Variants in KALRN observed in about 807,000 individuals in gnomAD.
The protein encoded by KALRN is kalirin.
In KALRN, 70 loss-of-function variants were observed where a neutral mutation model predicts 353.7. That is an observed-to-expected ratio of 0.20 (90% CI 0.16 to 0.24). The LOEUF (loss-of-function observed/expected upper bound fraction) is 0.24, where lower values mean the gene tolerates loss of function less well. KALRN is among the 10% of genes least tolerant of loss of function. KALRN has a pLI of 1.00. For missense variants in KALRN, 2,791 were observed against 3,756.7 expected, an observed-to-expected ratio of 0.74 and a Z score of 6.72; for synonymous variants, 1,391 against 1,434.8, an observed-to-expected ratio of 0.97 and a Z score of 0.69.
chr3:124,458,185 A>C (rs540740769), intron 23 of KALRN, among the ~76,000 whole-genome samples: 1 of 149,962 alleles, frequency 6.7e-6, no homozygotes, highest in African/African-American at 2.4e-5. Context: ...CTGAGGCAGG[A>C]GAATTGCTTG....
intron 5 of KALRN, among the ~76,000 whole-genome samples, chr3:124,294,676 C>A (rs752995532): frequency 6.6e-6 from 1 of 151,834 alleles, no homozygotes; most frequent in Non-Finnish European, 1.5e-5. Context: ...AGGCACCCAC[C>A]ACCAAATCCA....
chr3:124,129,197 G>A (rs749146331), intron 1 of KALRN, among the ~76,000 whole-genome samples: 2 of 152,104 alleles, frequency 1.3e-5, no homozygotes, highest in Admixed American at 6.5e-5. Context: ...TTAGCAGAAC[G>A]GTGCCCCAGC....
intron 1 of KALRN, among the ~76,000 whole-genome samples, chr3:124,067,178 T>A (rs2042430227): frequency 6.6e-6 from 1 of 152,168 alleles, no homozygotes; most frequent in African/African-American, 2.4e-5. Context: ...AAGGGGATGC[T>A]CACAGCCAGG....
intron 33 of KALRN, among the ~76,000 whole-genome samples, chr3:124,532,800 C>A (rs2068154034): frequency 6.6e-6 from 1 of 151,644 alleles, no homozygotes; most frequent in Admixed American, 6.6e-5. Context: ...GACTCTGTCT[C>A]CAAAACAAAA....
At chr3:124,544,302 T>C (rs2069380882) in intron 33 of KALRN, among the ~76,000 whole-genome samples, 1 of 152,228 alleles carries the variant, frequency 6.6e-6, no homozygotes, top group Non-Finnish European at 1.5e-5. Context: ...GGCTCATGCC[T>C]GTAATCCCAG....
At chr3:124,601,054 G>C (rs1205492148) in intron 34 of KALRN, among the ~76,000 whole-genome samples, 1 of 152,184 alleles carries the variant, frequency 6.6e-6, no homozygotes, top group East Asian at 1.9e-4. Flanking sequence ...GCCAAGCATG[G>C]GTTAGGAGGG....
intron 1 of KALRN, among the ~76,000 whole-genome samples, chr3:124,168,543 G>C (rs1369843199): frequency 1.3e-5 from 2 of 152,206 alleles, no homozygotes; most frequent in Non-Finnish European, 2.9e-5. Flanking sequence ...GCCTGGATCA[G>C]TGGCTCAGCC....
intron 1 of KALRN, among the ~76,000 whole-genome samples, chr3:124,077,376 C>G (rs2060309604): frequency 6.6e-6 from 1 of 152,108 alleles, no homozygotes; most frequent in Admixed American, 6.6e-5. Context: ...TTAGGCTGCC[C>G]CCTGGTTTGG....
intron 1 of KALRN, among the ~76,000 whole-genome samples, chr3:124,080,455 CATAGATAG>C (rs919666857): frequency 2.3e-4 from 35 of 152,120 alleles, no homozygotes; most frequent in African/African-American, 8.2e-4. Flanking sequence ...TGTGCATTTA[CATAGATAG>C]ATAGATAGAT....
chr3:124,395,827 AGTTCCCT>A (rs1442484970), intron 12 of KALRN, among the ~76,000 whole-genome samples: 1 of 152,214 alleles, frequency 6.6e-6, no homozygotes, highest in East Asian at 1.9e-4. Context: ...GTGTCCTACC[AGTTCCCT>A]GTTACCCAAT....
At chr3:124,264,150 A>C (rs2148883935) in intron 3 of KALRN, among the ~76,000 whole-genome samples, 1 of 152,006 alleles carries the variant, frequency 6.6e-6, no homozygotes, top group Admixed American at 6.6e-5. Context: ...GAAATGCTGC[A>C]ACAATCATTT....
At position 124,446,296 on chromosome 3, in the gene KALRN, G is replaced by A. The variant is rs1451305521; in HGVS notation, c.3429+20G>A. ...AAGCAGGTTGTCCAAAGCTTTCCCTGGCACTATCTCAGTTCTGGGGAGCAT... is the reference window on the plus strand; with the variant it reads ...AAGCAGGTTGTCCAAAGCTTTCCCTAGCACTATCTCAGTTCTGGGGAGCAT... On this transcript the variant is annotated intron_variant, in intron 20 of 59. Transcript: ENST00000682506. The A allele has an allele frequency of 1.3e-6, 2 of 1,563,956 alleles. No homozygotes were observed. Among genetic ancestry groups the A allele is most frequent in the Middle Eastern group, 1.7e-4 (1 of 5,994 alleles).
intron 10 of KALRN, among the ~76,000 whole-genome samples, chr3:124,371,963 A>G (rs573554971): frequency 7.7e-4 from 117 of 152,246 alleles, no homozygotes; most frequent in Non-Finnish European, 1.4e-3. Context: ...CCCAGCTTCT[A>G]AAAACCTTCC....
intron 10 of KALRN, among the ~76,000 whole-genome samples, chr3:124,368,095 C>G (rs1420807623): frequency 1.9e-5 from 1 of 53,786 alleles, no homozygotes; most frequent in African/African-American, 7.7e-5. Flanking sequence ...GGGGGGCTGA[C>G]CCCCCCACCT....
At chr3:124,193,483 G>A (rs1445859520) in intron 1 of KALRN, among the ~76,000 whole-genome samples, 2 of 150,462 alleles carry the variant, frequency 1.3e-5, no homozygotes, top group Non-Finnish European at 3.0e-5. Context: ...TTGTTTTTCT[G>A]GGTGGACCCT....
At chr3:124,464,908 G>C (rs1041347771) in intron 25 of KALRN, among the ~76,000 whole-genome samples, 1 of 150,648 alleles carries the variant, frequency 6.6e-6, no homozygotes, top group South Asian at 2.1e-4. Flanking sequence ...CTCAGTATTG[G>C]TGCAAACCAT....
intron 23 of KALRN, 87 bp from the exon 24 acceptor site, chr3:124,461,803 C>T: frequency 1.1e-6 from 1 of 906,004 alleles, no homozygotes; most frequent in Admixed American, 2.0e-5. Context: ...TTAAGAATGT[C>T]ATACATGCTG....
rs752783614 is a variant in KALRN, at chr3:124,170,831, C to CTTTTTTTTTTTTTTT, written c.74-57134_74-57120dup. On this transcript the variant is annotated intron_variant, in intron 1 of 59. Coordinates refer to ENST00000682506, the MANE Select transcript of KALRN (RefSeq NM_001388419.1). ...TATAAACTCCTTCCACTTCCACATTCTTTTTTTTTTTTTTTTTTTTTTTTT... is the reference window on the plus strand; with the variant it reads ...TATAAACTCCTTCCACTTCCACATTCTTTTTTTTTTTTTTTTTTTTTTTTTTTTTTTTTTTTTTTT... 1.9e-4 allele frequency among the ~76,000 whole-genome samples: 9 copies of CTTTTTTTTTTTTTTT among 47,148 alleles called. 1 individual carries two copies. The highest frequency in any genetic ancestry group is 4.8e-4 in the African/African-American group (6 of 12,584). The allele number at this position is 47,148 out of a possible 152,430, so 30.9% of individuals were successfully genotyped here. A position where few individuals can be genotyped will look rare whatever the true frequency, so the allele number is the denominator to read the frequency against.
intron 34 of KALRN, among the ~76,000 whole-genome samples, chr3:124,587,285 G>T (rs1210112705): frequency 1.3e-5 from 2 of 152,214 alleles, no homozygotes; most frequent in African/African-American, 4.8e-5. Flanking sequence ...GAACTTGGCT[G>T]TCTCCTGCGG....
Sources: allele counts gnomAD v4.1 joint callset (sites outside exome capture counted in the v4.1 genomes callset), GRCh38; gene constraint gnomAD v4.1.1; transcripts MANE v1.5; gene names NCBI Gene and HGNC (gene_info 2026-07-23, HGNC 2026-07-21).